Variants in GIT2 observed in about 807,000 individuals in gnomAD.
GIT2 encodes ARF GTPase-activating protein GIT2.
GIT2 carries 32 observed loss-of-function variants against 100.3 expected under a neutral mutation model. That is an observed-to-expected ratio of 0.32 (90% confidence interval 0.24 to 0.43). GIT2 has a LOEUF of 0.43. Ranked by LOEUF, GIT2 falls within the 20% of genes least tolerant of loss-of-function variation. GIT2 has a pLI of 1.00. For synonymous variants in GIT2, 353 were observed against 364.1 expected (o/e 0.97, Z 0.35); for missense variants, 737 against 975.1 (o/e 0.76, Z 3.25).
chr12:109,947,752 C>T lies in GIT2; in HGVS notation c.1393-248G>A, dbSNP rs546572440. On this transcript the variant is annotated intron_variant, in intron 14 of 19. Coordinates refer to ENST00000355312, the MANE Select transcript of GIT2 (RefSeq NM_057169.5). The surrounding 1 kb of genome is among the most constrained non-coding windows in gnomAD (Gnocchi z 4.3). ...GAATGTGGAAAAGTTGTGGTTTGGA[C>T]TTCCTCAAAACAAAATGTCTAACCA... The T allele has an allele frequency of 4.2e-6, 2 of 478,458 alleles. No individual in the cohort carries two copies. Among genetic ancestry groups the T allele is most frequent in the Non-Finnish European group, 3.7e-6 (1 of 267,590 alleles). The allele number at this position is 478,458 out of a possible 1,614,324, so 29.6% of individuals were successfully genotyped here. A position where few individuals can be genotyped will look rare whatever the true frequency, so the allele number is the denominator to read the frequency against.
intron 13 of GIT2, 28 bp from the exon 14 acceptor site, chr12:109,951,344 A>C: frequency 6.3e-7 from 1 of 1,576,778 alleles, no homozygotes; most frequent in South Asian, 1.1e-5. Flanking sequence ...AAACGTTCAC[A>C]ATCTGAGATG....
At chr12:109,938,816 G>C (rs528275655) in intron 17 of GIT2, 1 of 517,330 alleles carries the variant, frequency 1.9e-6, no homozygotes, top group East Asian at 3.2e-5. Flanking sequence ...TACCTGGAGC[G>C]GGGAGGGTGT....
At chr12:109,965,743 C>G in intron 8 of GIT2, 166 bp from the exon 9 acceptor site, 1 of 749,340 alleles carries the variant, frequency 1.3e-6, no homozygotes, top group Non-Finnish European at 2.5e-6. Flanking sequence ...CTAAACAGAA[C>G]AATCTGGTGA....
In GIT2 at chr12:109,991,812, C is replaced by T. The variant is rs779003520; in HGVS notation, c.53-52G>A. ...CAGGGATACCAGCAGGTTGCTATAC[C>T]GCCAGATGGCAAAAGATGACTGAAG... On this transcript the variant is annotated intron_variant, in intron 1 of 19. Transcript: ENST00000355312. 86 of 1,522,712 alleles carry T rather than the reference C, an allele frequency of 5.6e-5. No homozygotes were observed. The Middle Eastern group carries it at 6.9e-4, about 12-fold the overall frequency. The allele number at this position is 1,522,712 out of a possible 1,614,324, so 94.3% of individuals were successfully genotyped here. A position where few individuals can be genotyped will look rare whatever the true frequency, so the allele number is the denominator to read the frequency against.
Position 109,934,088 on chromosome 12 carries a change from G to T in GIT2, c.2004-3C>A. 3 of 1,504,300 alleles carry T rather than the reference G, an allele frequency of 2.0e-6. No individual in the cohort carries two copies. Among genetic ancestry groups the T allele is most frequent in the South Asian group, 1.1e-5 (1 of 88,890 alleles). The allele number at this position is 1,504,300 out of a possible 1,614,324, so 93.2% of individuals were successfully genotyped here. A position where few individuals can be genotyped will look rare whatever the true frequency, so the allele number is the denominator to read the frequency against. ...TCCTCTCTGAGCAGGGAATATAACT[G>T]CAAGAATATTGAAGAAGTTATTCAA... is the stretch of plus-strand genomic sequence containing the variant. On this transcript the variant is annotated splice_polypyrimidine_tract_variant and splice_region_variant and intron_variant, in intron 18 of 19. Coordinates refer to ENST00000355312, the MANE Select transcript of GIT2 (RefSeq NM_057169.5). The surrounding 1 kb of genome is among the most constrained non-coding windows in gnomAD (Gnocchi z 4.5).
chr12:109,937,265 C>G (rs1443012725), intron 18 of GIT2, among the ~76,000 whole-genome samples: 1 of 152,008 alleles, frequency 6.6e-6, no homozygotes, highest in East Asian at 1.9e-4. Flanking sequence ...CCAGTAGTGC[C>G]AGGACTACAA....
At chr12:109,991,168 G>T (rs762110642) in intron 2 of GIT2, among the ~76,000 whole-genome samples, 1 of 152,076 alleles carries the variant, frequency 6.6e-6, no homozygotes, top group Non-Finnish European at 1.5e-5. Flanking sequence ...AAATTAGCCG[G>T]GCATGATGGC....
In GIT2 at chr12:109,945,275, G is replaced by A. The variant is rs748444042; in HGVS notation, c.1716C>T (p.Asp572=). Residue 572 remains aspartate (D), a synonymous_variant, in exon 16 of 20, where the codon GAC becomes GAT. Transcript: ENST00000355312. ...TGTACTTAACCCTTCGGGCGCTTTC[G>A]TCCCTCGACCAGGAAAGTGTGGAGG... ...SFPSTLSWSR[D]ESARRASRLE... is the part of the protein sequence containing the mutation. 171 of 1,555,292 alleles carry A rather than the reference G, an allele frequency of 1.1e-4. No homozygotes were observed. The highest frequency in any genetic ancestry group is 1.3e-4 in the Non-Finnish European group (142 of 1,126,784).
intron 16 of GIT2, 86 bp downstream of exon 16, chr12:109,945,174 G>T: frequency 2.8e-6 from 2 of 714,538 alleles, no homozygotes; most frequent in South Asian, 1.5e-5. Context: ...GCAGTTAGCA[G>T]GGACAGGAGG....
At chr12:109,995,116 A>G (rs1889105107) in intron 1 of GIT2, among the ~76,000 whole-genome samples, 1 of 152,238 alleles carries the variant, frequency 6.6e-6, no homozygotes, top group African/African-American at 2.4e-5. Flanking sequence ...TGTGCCAAGA[A>G]AGCCATGTTA....
chr12:109,942,497 C>G (rs1172016395), intron 16 of GIT2, among the ~76,000 whole-genome samples: 1 of 152,052 alleles, frequency 6.6e-6, no homozygotes, highest in African/African-American at 2.4e-5. Flanking sequence ...CCACACCTGG[C>G]TAATTTTTTG....
chr12:109,933,951 T>C lies in GIT2; in HGVS notation c.2067+71A>G. On this transcript the variant is annotated intron_variant, in intron 19 of 19. Coordinates refer to ENST00000355312, the MANE Select transcript of GIT2 (RefSeq NM_057169.5). The surrounding 1 kb of genome is among the most constrained non-coding windows in gnomAD (Gnocchi z 4.5). ...GTGCTACAAAAAAGCTAATGTAATA[T>C]ATAGGTCATAAAGAAATTTCTTGCT... 1.2e-6 allele frequency: 1 copy of C among 856,192 alleles called. No individual in the cohort carries two copies. The highest frequency in any genetic ancestry group is 2.0e-6 in the Non-Finnish European group (1 of 488,206). The allele number at this position is 856,192 out of a possible 1,614,324, so 53.0% of individuals were successfully genotyped here.
intron 16 of GIT2, among the ~76,000 whole-genome samples, chr12:109,944,325 G>A (rs1262315376): frequency 6.6e-6 from 1 of 152,166 alleles, no homozygotes; most frequent in Non-Finnish European, 1.5e-5. Flanking sequence ...GCCTGTAAAG[G>A]TGGTCCCTTA....
At position 109,983,290 on chromosome 12, in the gene GIT2, CAT is replaced by C. The variant is rs1441618444; in HGVS notation, c.623+81_623+82del. 4.1e-6 allele frequency: 5 copies of C among 1,213,576 alleles called. No individual in the cohort carries two copies. The African/African-American group carries it at 6.1e-5, about 15-fold the overall frequency. The allele number at this position is 1,213,576 out of a possible 1,614,324, so 75.2% of individuals were successfully genotyped here. On this transcript the variant is annotated intron_variant, in intron 6 of 19. Coordinates refer to ENST00000355312, the MANE Select transcript of GIT2 (RefSeq NM_057169.5). ...CATCTTTAAAGGGGTTCAATATCAACATATACAACTTAGCTACTTAACAAGGA... is the reference window on the plus strand; with the variant it reads ...CATCTTTAAAGGGGTTCAATATCAACATACAACTTAGCTACTTAACAAGGA...
chr12:109,980,000 T>C (rs1206318253), intron 7 of GIT2, among the ~76,000 whole-genome samples: 1 of 152,248 alleles, frequency 6.6e-6, no homozygotes, highest in African/African-American at 2.4e-5. Flanking sequence ...AACTCTGCTG[T>C]TGTTATGTGA....
chr12:109,945,784 C>A (rs920544492), intron 15 of GIT2, among the ~76,000 whole-genome samples: 18 of 152,154 alleles, frequency 1.2e-4, no homozygotes, highest in Non-Finnish European at 2.4e-4. Flanking sequence ...AGAAAGTACA[C>A]TGAAAAATAA....
At chr12:109,980,889 C>T (rs761234479) in intron 7 of GIT2, 63 bp downstream of exon 7, 7 of 977,424 alleles carry the variant, frequency 7.2e-6, no homozygotes, top group Non-Finnish European at 1.2e-5. Flanking sequence ...AATAGTGTCC[C>T]AACTTGTTTT....
rs1871783192 is a variant in GIT2 at position 109,932,282 on chromosome 12, G to A, written c.*696C>T. ...TGAACATGGCTTCATGAGATGTCCT[G>A]TGGTGGGTCAATGCTTTATCTCATT... On this transcript the variant is annotated 3_prime_UTR_variant, in exon 20 of 20. Coordinates refer to ENST00000355312, the MANE Select transcript of GIT2 (RefSeq NM_057169.5). 6.6e-6 allele frequency: 1 copy of A among 152,280 alleles called. No individual in the cohort carries two copies. Among genetic ancestry groups the A allele is most frequent in the Non-Finnish European group, 1.5e-5 (1 of 68,096 alleles). The allele number at this position is 152,280 out of a possible 1,614,324, so 9.4% of individuals were successfully genotyped here.
chr12:109,959,770 A>T (rs2136376860), intron 12 of GIT2, 77 bp downstream of exon 12: 1 of 832,450 alleles, frequency 1.2e-6, no homozygotes, highest in South Asian at 1.5e-5. Context: ...GACTGCTTTA[A>T]TTAGTTTATA....
Sources: gnomAD v4.1 joint callset for allele counts (sites outside exome capture counted in the v4.1 genomes callset) on GRCh38, gnomAD v4.1.1 for gene constraint, Gnocchi (gnomAD v3.1) non-coding constraint, MANE v1.5 for transcripts, NCBI Gene and HGNC (gene_info 2026-07-23, HGNC 2026-07-21) for gene names.